The following NRG3 variants were observed in gnomAD, a reference collection of about 807,000 sequenced individuals.
The protein encoded by NRG3 is neuregulin 3.
Under a neutral mutation model 66.9 loss-of-function variants are expected in NRG3, and 31 were observed. That is an observed-to-expected ratio of 0.46 (90% CI 0.35 to 0.63). The LOEUF (loss-of-function observed/expected upper bound fraction) is 0.63. Ranked by LOEUF, NRG3 falls within the 20% of genes least tolerant of loss-of-function variation. The pLI is 0.00. For missense variants in NRG3, 910 were observed against 878.9 expected (o/e 1.04, Z -0.45); for synonymous variants, 393 against 359.4 (o/e 1.09, Z -1.06).
rs746524500 is a variant in NRG3 at position 82,394,542 on chromosome 10, C to T, written c.953+35674C>T. ...CTTCTTTGCTGTGGTTCCTCAAACA[C>T]CACTTGGTGCACAGAGCTAGGGAAA... On this transcript the variant is annotated intron_variant, in intron 2 of 8. Transcript: ENST00000372141. Among the ~76,000 whole-genome samples the T allele has an allele frequency of 2.4e-4, 37 of 152,110 alleles. 1 individual carries two copies. Among genetic ancestry groups the T allele is most frequent in the Admixed American group, 6.5e-5 (1 of 15,268 alleles).
chr10:82,088,139 C>T (rs2065832123), intron 1 of NRG3, among the ~76,000 whole-genome samples: 1 of 152,070 alleles, frequency 6.6e-6, no homozygotes, highest in South Asian at 2.1e-4. Context: ...CCCTACTTTC[C>T]TACTTCTCAA....
chr10:82,185,280 G>C lies in NRG3; in HGVS notation c.824-173459G>C, dbSNP rs181362035. Reference sequence around the variant, plus strand: ...AGGAAGCTGCAAATGAAAAATGTAAGATGCTAGACTATCTGCCCAGTTGTT... The same window carrying C: ...AGGAAGCTGCAAATGAAAAATGTAACATGCTAGACTATCTGCCCAGTTGTT... On this transcript the variant is annotated intron_variant, in intron 1 of 8. Transcript: ENST00000372141. Among the ~76,000 whole-genome samples, 125 of 152,292 alleles carry C rather than the reference G, an allele frequency of 8.2e-4. 1 individual carries two copies. In the East Asian group the frequency reaches 0.02, roughly 25 times the overall value.
intron 1 of NRG3, among the ~76,000 whole-genome samples, chr10:81,970,001 TA>T (rs2059871265): frequency 6.6e-6 from 1 of 152,226 alleles, no homozygotes; most frequent in Admixed American, 6.5e-5. Flanking sequence ...ATATTGCTTC[TA>T]TCATAGTGTA....
At chr10:81,963,844 C>T (rs1345548575) in intron 1 of NRG3, among the ~76,000 whole-genome samples, 1 of 152,116 alleles carries the variant, frequency 6.6e-6, no homozygotes, top group African/African-American at 2.4e-5. Flanking sequence ...ATTTTTGTTC[C>T]CTCAGTGGGA....
chr10:82,758,683 C>T (rs902228199), intron 3 of NRG3, among the ~76,000 whole-genome samples: 1 of 151,990 alleles, frequency 6.6e-6, no homozygotes, highest in African/African-American at 2.4e-5. Context: ...GTCTGTAGCT[C>T]TCCATTTTCT....
intron 8 of NRG3, among the ~76,000 whole-genome samples, chr10:82,980,310 A>G (rs1298514701): frequency 6.6e-6 from 1 of 152,210 alleles, no homozygotes; most frequent in African/African-American, 2.4e-5. Context: ...TTTGTAGTAG[A>G]CACACAGTAA....
intron 2 of NRG3, among the ~76,000 whole-genome samples, chr10:82,726,998 T>C (rs1472428317): frequency 1.3e-5 from 2 of 152,166 alleles, no homozygotes; most frequent in African/African-American, 4.8e-5. Context: ...CCTAGATATT[T>C]GTGCAACTTT....
chr10:82,595,036 G>C (rs2047193175), intron 2 of NRG3, among the ~76,000 whole-genome samples: 1 of 151,370 alleles, frequency 6.6e-6, no homozygotes, highest in Admixed American at 6.6e-5. Flanking sequence ...GACAAGGCTG[G>C]TCTCAAACTC....
chr10:82,256,323 C>A (rs904057779), intron 1 of NRG3, among the ~76,000 whole-genome samples: 2 of 152,154 alleles, frequency 1.3e-5, no homozygotes, highest in Admixed American at 6.6e-5. Context: ...ATGTATCTAC[C>A]TTCTTTCCCC....
At chr10:82,118,339 C>T (rs368791720) in intron 1 of NRG3, among the ~76,000 whole-genome samples, 37 of 151,700 alleles carry the variant, frequency 2.4e-4, no homozygotes, top group African/African-American at 6.5e-4. Context: ...TAAGAATAGT[C>T]GAAGTTGCCA....
intron 1 of NRG3, among the ~76,000 whole-genome samples, chr10:81,919,312 A>G (rs182512869): frequency 5.9e-5 from 9 of 152,260 alleles, no homozygotes; most frequent in African/African-American, 2.2e-4. Flanking sequence ...TCAGATGGAC[A>G]TTGCTTCAAA....
chr10:82,512,568 A>G (rs1237519658), intron 2 of NRG3, among the ~76,000 whole-genome samples: 1 of 152,208 alleles, frequency 6.6e-6, no homozygotes, highest in African/African-American at 2.4e-5. Flanking sequence ...GCGCCCTGCC[A>G]TACATGTATA....
intron 1 of NRG3, among the ~76,000 whole-genome samples, chr10:82,218,197 GA>G (rs1301252705): frequency 6.6e-6 from 1 of 152,074 alleles, no homozygotes; most frequent in Non-Finnish European, 1.5e-5. Context: ...TAATAATAAC[GA>G]AATAAGGCTA....
At chr10:82,493,192 G>A (rs527761475) in intron 2 of NRG3, among the ~76,000 whole-genome samples, 79 of 152,108 alleles carry the variant, frequency 5.2e-4, no homozygotes, top group African/African-American at 1.8e-3. Flanking sequence ...GTAAATGTGT[G>A]CCATGGTGGT....
chr10:82,909,540 G>A (rs901381372), intron 4 of NRG3, among the ~76,000 whole-genome samples: 1 of 152,092 alleles, frequency 6.6e-6, no homozygotes, highest in African/African-American at 2.4e-5. Context: ...ATTCACTTGT[G>A]ATAGGTATTT....
chr10:82,654,967 ACT>A (rs2051724660), intron 2 of NRG3, among the ~76,000 whole-genome samples: 1 of 151,966 alleles, frequency 6.6e-6, no homozygotes, highest in Admixed American at 6.6e-5. Flanking sequence ...TTTTATATTG[ACT>A]CTGAAAGCAA....
intron 1 of NRG3, among the ~76,000 whole-genome samples, chr10:82,118,571 C>A (rs890366380): frequency 6.6e-6 from 1 of 152,028 alleles, no homozygotes; most frequent in African/African-American, 2.4e-5. Flanking sequence ...CCAGTCTCTT[C>A]CTAGACCTGA....
At chr10:82,738,895 C>T (rs1251025141) in intron 3 of NRG3, among the ~76,000 whole-genome samples, 2 of 152,190 alleles carry the variant, frequency 1.3e-5, no homozygotes. Context: ...CTCCCAACAA[C>T]CCGGGCCTCC....
intron 3 of NRG3, among the ~76,000 whole-genome samples, chr10:82,775,648 T>C (rs571210742): frequency 7.2e-5 from 11 of 152,286 alleles, no homozygotes; most frequent in African/African-American, 2.6e-4. Context: ...TTTCAAGTTC[T>C]ATATTTTCTC....
Sources: gnomAD v4.1 joint callset for allele counts (sites outside exome capture counted in the v4.1 genomes callset) on GRCh38, gnomAD v4.1.1 for gene constraint, MANE v1.5 for transcripts, NCBI Gene and HGNC (gene_info 2026-07-23, HGNC 2026-07-21) for gene names.